MYO3A: variants seen among roughly 807,000 people sequenced by gnomAD.
MYO3A encodes the protein myosin IIIA.
Under a neutral mutation model 192.7 loss-of-function variants are expected in MYO3A, and 180 were observed. The observed-to-expected ratio is 0.93, with a 90% confidence interval of 0.83 to 1.06. The LOEUF (loss-of-function observed/expected upper bound fraction) is 1.06. Among genes scored for constraint, MYO3A ranks in the 50% least tolerant of loss-of-function variants. MYO3A has a pLI of 0.00. For missense variants in MYO3A, 1,896 were observed against 1,905.0 expected, an observed-to-expected ratio of 1.00 and a Z score of 0.09; for synonymous variants, 628 against 645.3, an observed-to-expected ratio of 0.97 and a Z score of 0.41.
At chr10:26,193,932 C>T (rs1483241602) in intron 32 of MYO3A, among the ~76,000 whole-genome samples, 3 of 152,282 alleles carry the variant, frequency 2.0e-5, no homozygotes, top group Middle Eastern at 3.4e-3. Context: ...TGCCCCTGAT[C>T]GCCTGGCCTT....
chr10:26,016,530 G>A (rs1335948430), intron 6 of MYO3A, among the ~76,000 whole-genome samples: 3 of 152,140 alleles, frequency 2.0e-5, no homozygotes, highest in Non-Finnish European at 4.4e-5. Context: ...GAAAGAAATA[G>A]GGATCAGTAT....
chr10:26,081,133 T>TGCCCCCCCCCCC, intron 14 of MYO3A, among the ~76,000 whole-genome samples: 1 of 84,980 alleles, frequency 1.2e-5, no homozygotes, highest in East Asian at 2.9e-4. Flanking sequence ...TATATGCCCT[T>TGCCCCCCCCCCC]CCCCCCCCCC....
At chr10:26,036,713 G>A (rs921918981) in intron 10 of MYO3A, among the ~76,000 whole-genome samples, 1 of 152,172 alleles carries the variant, frequency 6.6e-6, no homozygotes, top group African/African-American at 2.4e-5. Flanking sequence ...GGACCAACTT[G>A]CTCATCTCTC....
intron 27 of MYO3A, among the ~76,000 whole-genome samples, chr10:26,168,405 A>G (rs910252431): frequency 2.6e-5 from 4 of 152,244 alleles, no homozygotes; most frequent in African/African-American, 7.2e-5. Flanking sequence ...AGCCCAGAAT[A>G]TACGATGCTA....
chr10:26,061,571 A>G lies in MYO3A; in HGVS notation c.954-5404A>G, dbSNP rs139974791. Among the ~76,000 whole-genome samples the G allele has an allele frequency of 5.2e-4, 79 of 152,320 alleles. 1 individual carries two copies. In the East Asian group the frequency reaches 0.01, roughly 20 times the overall value. On this transcript the variant is annotated intron_variant, in intron 10 of 34. Transcript: ENST00000642920. ...GGAGCTGATGGAGAATAATGTTGGA[A>G]AGGTTGTTTAAGGCAAGATTGTGAA... is the stretch of plus-strand genomic sequence containing the variant.
At chr10:26,183,548 A>T (rs996063356) in intron 31 of MYO3A, among the ~76,000 whole-genome samples, 2 of 151,480 alleles carry the variant, frequency 1.3e-5, no homozygotes, top group African/African-American at 4.8e-5. Context: ...AAAAAATAAA[A>T]AATAAATAAA....
intron 34 of MYO3A, among the ~76,000 whole-genome samples, chr10:26,206,455 T>G (rs543442613): frequency 6.6e-6 from 1 of 151,938 alleles, no homozygotes; most frequent in African/African-American, 2.4e-5. Context: ...ATTTATTTGT[T>G]TATTTATTTT....
intron 10 of MYO3A, among the ~76,000 whole-genome samples, chr10:26,033,297 T>G (rs1350672858): frequency 6.6e-6 from 1 of 152,074 alleles, no homozygotes; most frequent in Non-Finnish European, 1.5e-5. Flanking sequence ...GCCAGGCTGG[T>G]CTCAAACTCC....
intron 34 of MYO3A, among the ~76,000 whole-genome samples, chr10:26,206,368 CT>C (rs78507306): frequency 0.18 from 27,236 of 148,750 alleles, 2,698 homozygotes; most frequent in East Asian, 0.33. Context: ...GCCCAGGTAT[CT>C]TTTTTACATA....
chr10:26,142,458 G>A (rs1414336400), intron 20 of MYO3A, among the ~76,000 whole-genome samples: 3 of 152,216 alleles, frequency 2.0e-5, no homozygotes, highest in Non-Finnish European at 4.4e-5. Context: ...TACCTATGCT[G>A]TGCTGGTACC....
chr10:26,113,875 T>C (rs952969980), intron 17 of MYO3A, among the ~76,000 whole-genome samples: 17 of 152,186 alleles, frequency 1.1e-4, no homozygotes, highest in African/African-American at 3.6e-4. Flanking sequence ...ATGACTAAAA[T>C]TGAGGGGCAT....
At chr10:26,029,327 T>G (rs1842704140) in intron 10 of MYO3A, among the ~76,000 whole-genome samples, 1 of 152,228 alleles carries the variant, frequency 6.6e-6, no homozygotes, top group Non-Finnish European at 1.5e-5. Context: ...TTTTCAGTTG[T>G]TCTTTTAAAT....
chr10:26,096,735 T>G, intron 17 of MYO3A, 53 bp downstream of exon 17: 1 of 1,232,952 alleles, frequency 8.1e-7, no homozygotes, highest in African/African-American at 1.5e-5. Context: ...TTATCATCAC[T>G]AATGTTAAGA....
At chr10:26,102,388 T>G (rs951878832) in intron 17 of MYO3A, among the ~76,000 whole-genome samples, 8 of 152,364 alleles carry the variant, frequency 5.3e-5, no homozygotes, top group African/African-American at 1.7e-4. Context: ...ATCTGAAGTC[T>G]TCTTCTCTCA....
intron 10 of MYO3A, among the ~76,000 whole-genome samples, chr10:26,065,115 A>G (rs1271322778): frequency 2.6e-5 from 4 of 152,228 alleles, no homozygotes; most frequent in Non-Finnish European, 5.9e-5. Context: ...GAAGAGAATC[A>G]AGAGAGACTT....
At chr10:26,195,926 A>G (rs538004429) in intron 32 of MYO3A, among the ~76,000 whole-genome samples, 22 of 152,220 alleles carry the variant, frequency 1.4e-4, no homozygotes, top group Non-Finnish European at 1.5e-5. Flanking sequence ...ATTCAACCTG[A>G]CACATAGCAG....
At chr10:26,137,005 A>C (rs1470675278) in intron 20 of MYO3A, among the ~76,000 whole-genome samples, 5 of 150,822 alleles carry the variant, frequency 3.3e-5, no homozygotes, top group African/African-American at 4.9e-5. Context: ...GCCACGGAGC[A>C]AGACTCTGTC....
intron 17 of MYO3A, among the ~76,000 whole-genome samples, chr10:26,109,658 T>C (rs1446711602): frequency 6.6e-6 from 1 of 152,228 alleles, no homozygotes; most frequent in African/African-American, 2.4e-5. Context: ...AGTCAAACAA[T>C]TGTTGCTGTG....
At chr10:26,134,162 A>G (rs7895318) in intron 20 of MYO3A, among the ~76,000 whole-genome samples, 47,534 of 152,054 alleles carry the variant, frequency 0.31, 7,698 homozygotes, top group Middle Eastern at 0.44. Flanking sequence ...AAGCTGCTGT[A>G]GGGAGAAATA....
Sources: allele counts gnomAD v4.1 joint callset (sites outside exome capture counted in the v4.1 genomes callset), GRCh38; gene constraint gnomAD v4.1.1; transcripts MANE v1.5; gene names NCBI Gene and HGNC (gene_info 2026-07-23, HGNC 2026-07-21).